The following STXBP4 variants were observed in gnomAD, a reference collection of about 807,000 sequenced individuals.
The protein encoded by STXBP4 is syntaxin-binding protein 4.
In STXBP4, 55 loss-of-function variants were observed where a neutral mutation model predicts 76.1. That is an observed-to-expected ratio of 0.72 (90% confidence interval 0.58 to 0.91). The LOEUF (loss-of-function observed/expected upper bound fraction) is 0.91. Among genes scored for constraint, STXBP4 ranks in the 40% least tolerant of loss-of-function variants. The pLI, the probability that STXBP4 is intolerant of heterozygous loss-of-function variation, is 0.00. For missense variants in STXBP4, 618 were observed against 636.9 expected, an observed-to-expected ratio of 0.97 and a Z score of 0.32; for synonymous variants, 201 against 220.2, an observed-to-expected ratio of 0.91 and a Z score of 0.77.
chr17:55,166,687 A>C lies in STXBP4; in HGVS notation c.*6776A>C, dbSNP rs1281025490. ...GGCACTCTATGGATGCCATGCCTGC[A>C]TTTTTACACACCTGCCCAACCCCAC... On this transcript the variant is annotated 3_prime_UTR_variant, in exon 18 of 18. Coordinates refer to ENST00000376352, the MANE Select transcript of STXBP4 (RefSeq NM_178509.6). The C allele has an allele frequency of 6.6e-6, 1 of 152,144 alleles. No homozygotes were observed. The highest frequency in any genetic ancestry group is 2.4e-5 in the African/African-American group (1 of 41,406). The allele number at this position is 152,144 out of a possible 1,614,324, so 9.4% of individuals were successfully genotyped here.
intron 4 of STXBP4, among the ~76,000 whole-genome samples, chr17:54,995,488 C>CAT (rs762441241): frequency 6.6e-6 from 1 of 152,172 alleles, no homozygotes; most frequent in Non-Finnish European, 1.5e-5. Flanking sequence ...TGCACACACA[C>CAT]ATATATATAA....
intron 15 of STXBP4, among the ~76,000 whole-genome samples, chr17:55,079,089 G>A (rs2079225089): frequency 6.6e-6 from 1 of 152,174 alleles, no homozygotes; most frequent in South Asian, 2.1e-4. Context: ...TACTAAAAGT[G>A]TCTCAACCCA....
At chr17:54,970,958 A>G (rs17745344) in intron 1 of STXBP4, among the ~76,000 whole-genome samples, 29,317 of 148,106 alleles carry the variant, frequency 0.2, 3,545 homozygotes, top group Non-Finnish European at 0.28. Flanking sequence ...GTTCATGTTT[A>G]TGAAATACTT....
At chr17:55,080,480 G>A (rs1226426936) in intron 15 of STXBP4, among the ~76,000 whole-genome samples, 1 of 151,740 alleles carries the variant, frequency 6.6e-6, no homozygotes, top group South Asian at 2.1e-4. Context: ...GTAATTTTTT[G>A]AAGAAAACAT....
At chr17:55,058,699 A>G (rs1005495913) in intron 12 of STXBP4, among the ~76,000 whole-genome samples, 1 of 152,104 alleles carries the variant, frequency 6.6e-6, no homozygotes, top group African/African-American at 2.4e-5. Context: ...GTCGATGGGC[A>G]TTTGTTTTAT....
the STXBP4 span, among the ~76,000 whole-genome samples, chr17:55,182,399 T>C: frequency 6.6e-6 from 1 of 151,900 alleles, no homozygotes; most frequent in African/African-American, 2.4e-5. Context: ...TCCAGAATTA[T>C]GCAAGAAGGA....
intron 16 of STXBP4, among the ~76,000 whole-genome samples, chr17:55,105,933 G>A (rs1302256671): frequency 6.6e-6 from 1 of 152,190 alleles, no homozygotes; most frequent in Non-Finnish European, 1.5e-5. Flanking sequence ...TGTATATTCT[G>A]TTGATTTGGG....
intron 8 of STXBP4, among the ~76,000 whole-genome samples, chr17:55,012,638 A>G (rs891374756): frequency 2.0e-5 from 3 of 152,050 alleles, no homozygotes; most frequent in Non-Finnish European, 4.4e-5. Flanking sequence ...CTGTATATAT[A>G]TTTACCCTTT....
chr17:55,169,844 A>G lies in STXBP4; in HGVS notation c.*9933A>G, dbSNP rs914359465. 1.3e-5 allele frequency: 2 copies of G among 152,214 alleles called. No homozygotes were observed. The highest frequency in any genetic ancestry group is 4.8e-5 in the African/African-American group (2 of 41,452). The allele number at this position is 152,214 out of a possible 1,614,324, so 9.4% of individuals were successfully genotyped here. A position where few individuals can be genotyped will look rare whatever the true frequency, so the allele number is the denominator to read the frequency against. On this transcript the variant is annotated 3_prime_UTR_variant, in exon 18 of 18. Coordinates refer to ENST00000376352, the MANE Select transcript of STXBP4 (RefSeq NM_178509.6). ...TGAATGTCTAAACAATCCAAGACAG[A>G]TAATTTTGTAGTATTTACTGTGTGA...
intron 16 of STXBP4, among the ~76,000 whole-genome samples, chr17:55,104,522 G>A (rs1357323256): frequency 2.6e-5 from 4 of 152,140 alleles, no homozygotes; most frequent in South Asian, 2.1e-4. Context: ...GCTGGATCCG[G>A]TTTGCTAATA....
chr17:55,090,150 G>A (rs2079391946), intron 16 of STXBP4, among the ~76,000 whole-genome samples: 1 of 152,012 alleles, frequency 6.6e-6, no homozygotes, highest in African/African-American at 2.4e-5. Flanking sequence ...GCTGGGGGTA[G>A]GGGGCAGACG....
rs533331224 is a variant in STXBP4 at position 55,054,068 on chromosome 17, T to C, written c.1011+6914T>C. Among the ~76,000 whole-genome samples, 7 of 152,296 alleles carry C rather than the reference T, an allele frequency of 4.6e-5. No individual in the cohort carries two copies. The South Asian group carries it at 1.4e-3, about 32-fold the overall frequency. ...TTATTTCTGTGAAAGGATTAGTTTC[T>C]GTTATTAAGAAAGGTCATGTCTGCA... On this transcript the variant is annotated intron_variant, in intron 12 of 17. Coordinates refer to ENST00000376352, the MANE Select transcript of STXBP4 (RefSeq NM_178509.6).
At chr17:55,078,947 G>T (rs1310284131) in intron 15 of STXBP4, among the ~76,000 whole-genome samples, 1 of 152,104 alleles carries the variant, frequency 6.6e-6, no homozygotes, top group Non-Finnish European at 1.5e-5. Context: ...GTCAATCATT[G>T]TAACCTTGTA....
At chr17:55,185,189 T>TTCTTCTTC in the STXBP4 span, among the ~76,000 whole-genome samples, 1 of 87,654 alleles carries the variant, frequency 1.1e-5, no homozygotes, top group Non-Finnish European at 2.4e-5. Context: ...TCTTCTTCTT[T>TTCTTCTTC]TTCTTCTTCT....
chr17:54,982,217 A>ATGT (rs1567870322), intron 1 of STXBP4, among the ~76,000 whole-genome samples: 1 of 152,190 alleles, frequency 6.6e-6, no homozygotes, highest in Non-Finnish European at 1.5e-5. Context: ...AGTGAAAAGA[A>ATGT]CTGGTTTTAT....
At chr17:55,085,726 A>G (rs777223504) in intron 16 of STXBP4, among the ~76,000 whole-genome samples, 1 of 152,082 alleles carries the variant, frequency 6.6e-6, no homozygotes, top group Non-Finnish European at 1.5e-5. Context: ...GTAACATTCA[A>G]AGACCCTCTG....
intron 9 of STXBP4, among the ~76,000 whole-genome samples, chr17:55,033,750 T>C (rs1481751424): frequency 2.6e-5 from 4 of 152,154 alleles, no homozygotes; most frequent in Admixed American, 1.3e-4. Context: ...AGGATGAAAT[T>C]GCTAAGCACT....
At position 55,074,875 on chromosome 17, in the gene STXBP4, A is replaced by G. The variant is rs576884751; in HGVS notation, c.1188+1799A>G. On this transcript the variant is annotated intron_variant, in intron 13 of 17. Coordinates refer to ENST00000376352, the MANE Select transcript of STXBP4 (RefSeq NM_178509.6). The stretch of plus-strand genomic sequence containing the variant: ...TTCAACATTTTCTAAACCCAATATC[A>G]GTGGAAAAAAAGAAGGAAACCTTTT... Among the ~76,000 whole-genome samples, 89 of 152,104 alleles carry G rather than the reference A, an allele frequency of 5.9e-4. 2 individuals carry two copies. In the South Asian group the frequency reaches 0.018, roughly 31 times the overall value.
intron 1 of STXBP4, among the ~76,000 whole-genome samples, chr17:54,975,985 A>G (rs540535538): frequency 2.6e-5 from 4 of 152,202 alleles, no homozygotes; most frequent in African/African-American, 4.8e-5. Flanking sequence ...TCTGAAATCT[A>G]GTTCATTTAA....
Sources: gnomAD v4.1 joint callset for allele counts (sites outside exome capture counted in the v4.1 genomes callset) on GRCh38, gnomAD v4.1.1 for gene constraint, MANE v1.5 for transcripts, NCBI Gene and HGNC (gene_info 2026-07-23, HGNC 2026-07-21) for gene names.